The following SNTG2 variants were observed in gnomAD, a reference collection of about 807,000 sequenced individuals.
The protein encoded by SNTG2 is gamma-2-syntrophin.
A neutral mutation model predicts 70.9 loss-of-function variants in SNTG2; 74 were observed. The ratio of observed to expected loss-of-function variants is 1.04; its 90% CI spans 0.86 to 1.27. The LOEUF (loss-of-function observed/expected upper bound fraction) is 1.27, where lower values mean the gene tolerates loss of function less well. Ranked by LOEUF, SNTG2 falls within the 50% of genes most tolerant of loss-of-function variation. The pLI is 0.00. For missense variants in SNTG2, 717 were observed against 690.7 expected, an observed-to-expected ratio of 1.04 and a Z score of -0.43; for synonymous variants, 278 against 273.8, an observed-to-expected ratio of 1.02 and a Z score of -0.15.
At chr2:1,309,705 A>G (rs1437783638) in intron 15 of SNTG2, among the ~76,000 whole-genome samples, 2 of 152,228 alleles carry the variant, frequency 1.3e-5, no homozygotes, top group Non-Finnish European at 2.9e-5. Context: ...AATTTAATGG[A>G]GTCATTGTTC....
At chr2:1,016,156 C>A (rs1008848819) in intron 1 of SNTG2, among the ~76,000 whole-genome samples, 2 of 151,784 alleles carry the variant, frequency 1.3e-5, no homozygotes, top group South Asian at 2.1e-4. Context: ...TATAGTATGA[C>A]CCCCTTCCTG....
At chr2:1,133,540 C>T (rs112265911) in intron 4 of SNTG2, among the ~76,000 whole-genome samples, 163 of 152,232 alleles carry the variant, frequency 1.1e-3, no homozygotes, top group African/African-American at 3.7e-3. Flanking sequence ...GAGGCAGTGG[C>T]TGTATTACCG....
At chr2:1,147,399 T>C (rs952762656) in intron 6 of SNTG2, among the ~76,000 whole-genome samples, 1 of 152,162 alleles carries the variant, frequency 6.6e-6, no homozygotes, top group African/African-American at 2.4e-5. Context: ...ATAGCCAGAA[T>C]ATAAAGCAGG....
At chr2:1,209,001 G>C in intron 8 of SNTG2, 102 bp from the exon 9 acceptor site, 1 of 1,410,446 alleles carries the variant, frequency 7.1e-7, no homozygotes, top group Non-Finnish European at 9.7e-7. Context: ...CAGTTGAAAT[G>C]TGTTGGACTT....
Position 1,075,735 on chromosome 2 carries a change from T to A in SNTG2, c.73-7783T>A, listed in dbSNP as rs548653859. ...CATTCTTTCTGTTTGTTGGATATGC[T>A]GCTGGATTAAGAGAGTTTATTTTTC... is the stretch of plus-strand genomic sequence containing the variant. On this transcript the variant is annotated intron_variant, in intron 1 of 16. Coordinates refer to ENST00000308624, the MANE Select transcript of SNTG2 (RefSeq NM_018968.4). 6.6e-5 allele frequency among the ~76,000 whole-genome samples: 10 copies of A among 152,376 alleles called. No homozygotes were observed. The East Asian group carries it at 1.5e-3, about 24-fold the overall frequency.
intron 14 of SNTG2, among the ~76,000 whole-genome samples, chr2:1,281,208 GGT>G (rs756135152): frequency 6.2e-4 from 84 of 134,466 alleles, no homozygotes; most frequent in East Asian, 8.9e-4. Context: ...TGTGGTGTGT[GGT>G]GTGTGTGTGT....
chr2:1,202,590 T>C (rs1171151516), intron 8 of SNTG2, among the ~76,000 whole-genome samples: 2 of 152,084 alleles, frequency 1.3e-5, no homozygotes, highest in Non-Finnish European at 1.5e-5. Flanking sequence ...ACATTAAATA[T>C]AAATGGACTA....
At chr2:1,172,273 C>A (rs1425869945) in intron 7 of SNTG2, among the ~76,000 whole-genome samples, 3 of 152,184 alleles carry the variant, frequency 2.0e-5, no homozygotes, top group Non-Finnish European at 4.4e-5. Context: ...GCTCCTTTCT[C>A]AGTGTTGGGA....
intron 1 of SNTG2, among the ~76,000 whole-genome samples, chr2:1,069,490 A>G (rs1222473646): frequency 1.6e-5 from 1 of 61,194 alleles, no homozygotes; most frequent in Non-Finnish European, 4.5e-5. Context: ...TGAGGCTAGG[A>G]AAAAAAAAAA....
intron 4 of SNTG2, among the ~76,000 whole-genome samples, chr2:1,131,859 C>T (rs1304573510): frequency 6.6e-6 from 1 of 152,012 alleles, no homozygotes; most frequent in African/African-American, 2.4e-5. Context: ...ACTGTGTTAG[C>T]CAGGATGGTC....
At chr2:1,172,485 C>A (rs4583504) in intron 7 of SNTG2, among the ~76,000 whole-genome samples, 37,957 of 152,082 alleles carry the variant, frequency 0.25, 5,264 homozygotes, top group East Asian at 0.44. Context: ...TGAGCTGTTC[C>A]CAGGACCTTG....
intron 9 of SNTG2, among the ~76,000 whole-genome samples, chr2:1,221,078 A>C (rs1395224566): frequency 6.6e-6 from 1 of 152,208 alleles, no homozygotes; most frequent in Non-Finnish European, 1.5e-5. Flanking sequence ...CTGGGAATTC[A>C]GAATCATTCT....
Position 1,103,390 on chromosome 2 carries a change from T to TA in SNTG2, c.325+4981dup, listed in dbSNP as rs773868380. 5.1e-4 allele frequency: 138 copies of TA among 272,148 alleles called. 2 individuals carry two copies. Among genetic ancestry groups the TA allele is most frequent in the African/African-American group, 3.0e-3 (126 of 42,032 alleles). The allele number at this position is 272,148 out of a possible 1,614,324, so 16.9% of individuals were successfully genotyped here. A position where few individuals can be genotyped will look rare whatever the true frequency, so the allele number is the denominator to read the frequency against. On this transcript the variant is annotated intron_variant, in intron 4 of 16. Transcript: ENST00000308624. ...ATGATTATAAATTTCTTTTTTTTTT[T>TA]ATTTTTTTTTTTAGATGGAGTCTTG...
At chr2:1,039,633 C>T (rs748421856) in intron 1 of SNTG2, among the ~76,000 whole-genome samples, 37 of 152,222 alleles carry the variant, frequency 2.4e-4, no homozygotes, top group Middle Eastern at 6.8e-3. Flanking sequence ...TGGTATGGTA[C>T]GGCATGATCA....
chr2:1,147,547 C>G (rs1442292460), intron 6 of SNTG2, among the ~76,000 whole-genome samples: 1 of 152,244 alleles, frequency 6.6e-6, no homozygotes. Context: ...TGCTCCTCAG[C>G]ATGCAGATGG....
intron 1 of SNTG2, among the ~76,000 whole-genome samples, chr2:1,002,370 A>T (rs1236702011): frequency 6.6e-6 from 1 of 152,202 alleles, no homozygotes; most frequent in Admixed American, 6.5e-5. Context: ...AGTAACTAAT[A>T]TCCAGAATCT....
intron 16 of SNTG2, chr2:1,346,255 C>G (rs1660261756): frequency 6.7e-6 from 1 of 150,124 alleles, no homozygotes; most frequent in East Asian, 1.9e-4. Context: ...CCCAGCAGCC[C>G]TGCCGATAGG....
At chr2:1,142,429 T>C (rs969794911) in intron 6 of SNTG2, among the ~76,000 whole-genome samples, 1 of 152,230 alleles carries the variant, frequency 6.6e-6, no homozygotes, top group African/African-American at 2.4e-5. Flanking sequence ...CCCAGTACCA[T>C]GCCTGCTCAG....
chr2:1,014,727 A>T (rs1659829702), intron 1 of SNTG2, among the ~76,000 whole-genome samples: 1 of 136,766 alleles, frequency 7.3e-6, no homozygotes. Context: ...CTGTAGGGGA[A>T]TTTATATGGG....
Sources: allele counts gnomAD v4.1 joint callset (sites outside exome capture counted in the v4.1 genomes callset), GRCh38; gene constraint gnomAD v4.1.1; transcripts MANE v1.5; gene names NCBI Gene and HGNC (gene_info 2026-07-23, HGNC 2026-07-21).